Variants in CAMK4 observed in about 807,000 individuals in gnomAD.
CAMK4 encodes the protein calcium/calmodulin-dependent protein kinase type IV.
CAMK4 carries 22 observed loss-of-function variants against 44.9 expected under a neutral mutation model. The observed-to-expected ratio is 0.49, with a 90% CI of 0.35 to 0.70. The LOEUF (loss-of-function observed/expected upper bound fraction) is 0.70. Among genes scored for constraint, CAMK4 ranks in the 30% least tolerant of loss-of-function variants. The pLI, the probability that CAMK4 is intolerant of heterozygous loss-of-function variation, is 0.01. For synonymous variants in CAMK4, 218 were observed against 215.4 expected, an observed-to-expected ratio of 1.01 and a Z score of -0.11; for missense variants, 498 against 586.8, an observed-to-expected ratio of 0.85 and a Z score of 1.56.
chr5:111,414,897 A>C (rs1752764058), intron 5 of CAMK4, among the ~76,000 whole-genome samples: 1 of 152,218 alleles, frequency 6.6e-6, no homozygotes, highest in South Asian at 2.1e-4. Flanking sequence ...CCCTAGGTTC[A>C]AATATTTTAG....
intron 4 of CAMK4, among the ~76,000 whole-genome samples, chr5:111,385,425 A>G (rs1669319987): frequency 6.6e-6 from 1 of 152,136 alleles, no homozygotes; most frequent in Non-Finnish European, 1.5e-5. Flanking sequence ...GATGTTCAAA[A>G]GCACAATTGT....
intron 7 of CAMK4, among the ~76,000 whole-genome samples, chr5:111,463,707 C>T (rs1001722685): frequency 1.3e-5 from 2 of 152,222 alleles, no homozygotes; most frequent in African/African-American, 4.8e-5. Context: ...CAGACCCCAG[C>T]AGCTCCACTG....
intron 7 of CAMK4, 85 bp downstream of exon 7, chr5:111,449,288 A>G (rs1207140428): frequency 1.3e-5 from 8 of 614,196 alleles, no homozygotes; most frequent in Non-Finnish European, 2.2e-5. Flanking sequence ...AAAATTCCTA[A>G]TATTTCTATT....
intron 9 of CAMK4, chr5:111,481,948 C>A (rs1360779540): frequency 6.6e-6 from 1 of 152,036 alleles, no homozygotes; most frequent in Non-Finnish European, 1.5e-5. Flanking sequence ...AGGGGGTGTC[C>A]ACAGGCAATT....
At chr5:111,389,622 C>A (rs574146587) in intron 4 of CAMK4, among the ~76,000 whole-genome samples, 1 of 152,292 alleles carries the variant, frequency 6.6e-6, no homozygotes, top group South Asian at 2.1e-4. Context: ...TGGAAAAGTA[C>A]TGCAAAGCAG....
At chr5:111,415,959 C>T (rs1752800422) in intron 5 of CAMK4, among the ~76,000 whole-genome samples, 1 of 152,076 alleles carries the variant, frequency 6.6e-6, no homozygotes, top group African/African-American at 2.4e-5. Flanking sequence ...TAGTTGTATG[C>T]AAACACTACA....
Position 111,329,854 on chromosome 5 carries a change from A to G in CAMK4, c.162-14170A>G, listed in dbSNP as rs1749082821. Among the ~76,000 whole-genome samples the G allele has an allele frequency of 2.6e-5, 4 of 151,764 alleles. No homozygotes were observed. In the South Asian group the frequency reaches 8.3e-4, roughly 31 times the overall value. ...AAAGGGAATTTTCTTAATTTGACAA[A>G]CCACATCTATGAAAAAACTACAGCT... On this transcript the variant is annotated intron_variant, in intron 1 of 10. Coordinates refer to ENST00000282356, the MANE Select transcript of CAMK4 (RefSeq NM_001744.6).
chr5:111,475,164 AAAAAC>A (rs905931864), intron 8 of CAMK4, among the ~76,000 whole-genome samples: 21 of 152,118 alleles, frequency 1.4e-4, no homozygotes, highest in East Asian at 3.9e-4. Flanking sequence ...ACTCAAAAAC[AAAAAC>A]AAAACAAAAC....
intron 2 of CAMK4, among the ~76,000 whole-genome samples, chr5:111,364,650 C>A (rs1561441106): frequency 6.6e-6 from 1 of 152,082 alleles, no homozygotes; most frequent in African/African-American, 2.4e-5. Flanking sequence ...TTCCCAGAGG[C>A]ACTCTTGTTT....
intron 7 of CAMK4, among the ~76,000 whole-genome samples, chr5:111,463,778 C>A (rs534909564): frequency 1.3e-5 from 2 of 152,238 alleles, no homozygotes; most frequent in East Asian, 3.9e-4. Context: ...GAAGCCACAT[C>A]CCTAGAGGAA....
rs1183239086 is a variant in CAMK4, at chr5:111,493,506, AT to A, written c.*9043del. The stretch of plus-strand genomic sequence containing the variant: ...CCTCATTTTTTCAACCTTTTCAGTT[AT>A]TTGACCTGAATAGGCAATCCCCCAG... On this transcript the variant is annotated 3_prime_UTR_variant, in exon 11 of 11. Transcript: ENST00000282356. The surrounding 1 kb of genome is among the most constrained non-coding windows in gnomAD (Gnocchi z 4.1). 2 of 152,168 alleles carry A rather than the reference AT, an allele frequency of 1.3e-5. No homozygotes were observed. The highest frequency in any genetic ancestry group is 2.9e-5 in the Non-Finnish European group (2 of 68,016). 9.4% of individuals were successfully genotyped at this position (152,168 alleles called of 1,614,324 possible).
At position 111,485,943 on chromosome 5, in the gene CAMK4, A is replaced by G. The variant is rs190132187; in HGVS notation, c.*1477A>G. The G allele has an allele frequency of 6.6e-6, 1 of 152,298 alleles. No homozygotes were observed. Among genetic ancestry groups the G allele is most frequent in the Admixed American group, 6.5e-5 (1 of 15,298 alleles). The allele number at this position is 152,298 out of a possible 1,614,324, so 9.4% of individuals were successfully genotyped here. The stretch of plus-strand genomic sequence containing the variant: ...TGTCACATTTTTGGTGGGTTTTCTC[A>G]ATTTTAAAAAAGAATTCATTTTAAA... On this transcript the variant is annotated 3_prime_UTR_variant, in exon 11 of 11. Coordinates refer to ENST00000282356, the MANE Select transcript of CAMK4 (RefSeq NM_001744.6).
intron 7 of CAMK4, 75 bp downstream of exon 7, chr5:111,449,278 A>T: frequency 3.0e-6 from 2 of 671,974 alleles, no homozygotes; most frequent in Non-Finnish European, 5.0e-6. Flanking sequence ...CTCATTTTTA[A>T]AAATTCCTAA....
At chr5:111,344,197 C>T (rs1025197694) in intron 2 of CAMK4, 95 bp downstream of exon 2, 10 of 720,726 alleles carry the variant, frequency 1.4e-5, no homozygotes, top group Non-Finnish European at 1.9e-5. Flanking sequence ...CAGAGAGCTG[C>T]TGTGTGCAAA....
intron 5 of CAMK4, among the ~76,000 whole-genome samples, chr5:111,430,417 C>T (rs558814471): frequency 5.3e-5 from 8 of 152,256 alleles, no homozygotes; most frequent in African/African-American, 9.6e-5. Context: ...CAAGGATGCC[C>T]GCTGTCACCA....
chr5:111,436,585 A>G (rs1216324667), intron 5 of CAMK4, among the ~76,000 whole-genome samples: 1 of 152,206 alleles, frequency 6.6e-6, no homozygotes, highest in Non-Finnish European at 1.5e-5. Context: ...ATAAACCTCA[A>G]CTGCAGGGCC....
chr5:111,361,793 G>C (rs1164965879), intron 2 of CAMK4, among the ~76,000 whole-genome samples: 3 of 152,020 alleles, frequency 2.0e-5, no homozygotes, highest in Non-Finnish European at 4.4e-5. Flanking sequence ...TTTTCTTTTT[G>C]ATTAACCTCA....
chr5:111,273,511 A>G (rs942603790), intron 1 of CAMK4, among the ~76,000 whole-genome samples: 9 of 151,046 alleles, frequency 6.0e-5, no homozygotes, highest in Non-Finnish European at 1.2e-4. Flanking sequence ...TTTTTAGTCT[A>G]ATTTTTAATT....
At chr5:111,321,084 G>C (rs541652589) in intron 1 of CAMK4, among the ~76,000 whole-genome samples, 2 of 152,128 alleles carry the variant, frequency 1.3e-5, no homozygotes, top group Non-Finnish European at 2.9e-5. Context: ...TACACCCCTG[G>C]AAGTGAGCCT....
Sources: gnomAD v4.1 joint callset for allele counts (sites outside exome capture counted in the v4.1 genomes callset) on GRCh38, gnomAD v4.1.1 for gene constraint, Gnocchi (gnomAD v3.1) non-coding constraint, MANE v1.5 for transcripts, NCBI Gene and HGNC (gene_info 2026-07-23, HGNC 2026-07-21) for gene names.